Variants in CERS6 observed in about 807,000 individuals in gnomAD.
The protein encoded by CERS6 is ceramide synthase 6.
CERS6 carries 26 observed loss-of-function variants against 56.8 expected under a neutral mutation model. That is an observed-to-expected ratio of 0.46 (90% CI 0.34 to 0.63). The LOEUF (loss-of-function observed/expected upper bound fraction) is 0.63. CERS6 is among the 30% of genes least tolerant of loss of function. The pLI is 0.01. For synonymous variants in CERS6, 164 were observed against 173.3 expected, an observed-to-expected ratio of 0.95 and a Z score of 0.42; for missense variants, 415 against 467.5, an observed-to-expected ratio of 0.89 and a Z score of 1.04.
At chr2:168,720,446 T>C (rs1331370414) in intron 8 of CERS6, among the ~76,000 whole-genome samples, 1 of 152,168 alleles carries the variant, frequency 6.6e-6, no homozygotes, top group Admixed American at 6.5e-5. Context: ...AGTAACCAGA[T>C]TCGACACATT....
intron 3 of CERS6, among the ~76,000 whole-genome samples, chr2:168,573,705 C>G (rs1683175010): frequency 6.6e-6 from 1 of 152,010 alleles, no homozygotes; most frequent in Non-Finnish European, 1.5e-5. Context: ...TCATGCAGAT[C>G]TGTCATGGAA....
chr2:168,746,166 C>T (rs76884671), intron 8 of CERS6, among the ~76,000 whole-genome samples: 11,774 of 152,186 alleles, frequency 0.077, 566 homozygotes, highest in Non-Finnish European at 0.11. Context: ...AGAGCTGCCC[C>T]CTCTTGCATG....
At chr2:168,481,257 T>C (rs1255582332) in intron 1 of CERS6, among the ~76,000 whole-genome samples, 1 of 152,054 alleles carries the variant, frequency 6.6e-6, no homozygotes, top group African/African-American at 2.4e-5. Flanking sequence ...CAACTAAAAA[T>C]ACAAAAAATT....
At chr2:168,741,597 G>T (rs1574210086) in intron 8 of CERS6, among the ~76,000 whole-genome samples, 1 of 152,292 alleles carries the variant, frequency 6.6e-6, no homozygotes. Flanking sequence ...CAGCCCGTGG[G>T]CCACAGGTTG....
At chr2:168,561,402 C>T (rs1040321978) in intron 3 of CERS6, 80 bp downstream of exon 3, 2 of 1,467,852 alleles carry the variant, frequency 1.4e-6, no homozygotes, top group African/African-American at 2.8e-5. Flanking sequence ...AAGATCTGTG[C>T]AGGCTTCAGC....
chr2:168,712,378 A>G (rs902481134), intron 6 of CERS6, among the ~76,000 whole-genome samples: 1 of 152,228 alleles, frequency 6.6e-6, no homozygotes, highest in African/African-American at 2.4e-5. Context: ...TTATGAAGAC[A>G]TCTGTAAGAA....
At chr2:168,504,319 C>G (rs1293592444) in intron 1 of CERS6, among the ~76,000 whole-genome samples, 2 of 151,604 alleles carry the variant, frequency 1.3e-5, no homozygotes, top group African/African-American at 4.9e-5. Flanking sequence ...TGCAGTGAGC[C>G]AAGATTGCAC....
intron 1 of CERS6, among the ~76,000 whole-genome samples, chr2:168,459,568 T>C (rs1469666858): frequency 6.6e-6 from 1 of 152,134 alleles, no homozygotes; most frequent in Non-Finnish European, 1.5e-5. Context: ...TATACCATAC[T>C]TAACTCCGGG....
intron 1 of CERS6, among the ~76,000 whole-genome samples, chr2:168,464,313 C>T (rs1294417772): frequency 6.6e-6 from 1 of 151,588 alleles, no homozygotes; most frequent in East Asian, 1.9e-4. Flanking sequence ...TGCCTCAGCC[C>T]CCCAAGTAGC....
intron 3 of CERS6, among the ~76,000 whole-genome samples, chr2:168,628,847 T>C (rs1328536502): frequency 1.3e-5 from 2 of 150,474 alleles, no homozygotes; most frequent in Non-Finnish European, 2.9e-5. Context: ...TCTTCCCTGA[T>C]TCTAGCAGTA....
intron 3 of CERS6, among the ~76,000 whole-genome samples, chr2:168,626,023 T>C (rs1684582649): frequency 6.6e-6 from 1 of 152,178 alleles, no homozygotes; most frequent in South Asian, 2.1e-4. Context: ...CATAGCTTAA[T>C]GGTTAAGAGT....
intron 6 of CERS6, among the ~76,000 whole-genome samples, chr2:168,700,211 G>A (rs372173195): frequency 4.6e-5 from 7 of 152,176 alleles, no homozygotes; most frequent in Admixed American, 1.3e-4. Context: ...GACTTTTTGC[G>A]GAGAATAACT....
intron 3 of CERS6, among the ~76,000 whole-genome samples, chr2:168,629,318 C>T (rs972429111): frequency 1.4e-4 from 21 of 152,068 alleles, no homozygotes; most frequent in Non-Finnish European, 1.0e-4. Flanking sequence ...AACCTAATCT[C>T]GGAGTTGCAA....
At chr2:168,651,783 G>A (rs1685348354) in intron 4 of CERS6, among the ~76,000 whole-genome samples, 1 of 152,110 alleles carries the variant, frequency 6.6e-6, no homozygotes, top group Non-Finnish European at 1.5e-5. Flanking sequence ...TTTGGGTGGG[G>A]ACACAGAGCC....
At position 168,765,666 on chromosome 2, in the gene CERS6, T is replaced by TGA. The variant is rs758068167; in HGVS notation, c.921_922insAG (p.Leu308SerfsTer4). On this transcript the variant is annotated frameshift_variant, in exon 9 of 10. Coordinates refer to ENST00000305747, the MANE Select transcript of CERS6 (RefSeq NM_203463.3). LOFTEE classifies it high-confidence loss of function. Reference sequence around the variant, plus strand: ...CCTTCCTGGTGGGTTTTTAACCTACTGCTATTGCTAGTACAAGGGTTGAAC... The same window carrying TGA: ...CCTTCCTGGTGGGTTTTTAACCTACTGAGCTATTGCTAGTACAAGGGTTGAAC... 6.2e-7 allele frequency: 1 copy of TGA among 1,614,152 alleles called. No homozygotes were observed. The highest frequency in any genetic ancestry group is 8.5e-7 in the Non-Finnish European group (1 of 1,179,976).
At chr2:168,493,198 G>GA (rs1262920379) in intron 1 of CERS6, among the ~76,000 whole-genome samples, 2 of 151,908 alleles carry the variant, frequency 1.3e-5, no homozygotes, top group Admixed American at 6.6e-5. Flanking sequence ...CTTTTAAAAT[G>GA]AAAAAAAATT....
At chr2:168,614,701 T>A (rs150112587) in intron 3 of CERS6, among the ~76,000 whole-genome samples, 8 of 152,062 alleles carry the variant, frequency 5.3e-5, no homozygotes, top group Non-Finnish European at 1.0e-4. Flanking sequence ...CCATCCCCCA[T>A]AGCAGCTGCA....
In CERS6 at chr2:168,743,118, A is replaced by T. The variant is rs1233805843; in HGVS notation, c.846-22474A>T. Among the ~76,000 whole-genome samples, 4 of 151,978 alleles carry T rather than the reference A, an allele frequency of 2.6e-5. 1 individual carries two copies. In the East Asian group the frequency reaches 7.7e-4, roughly 29 times the overall value. ...CCCTAACACTCCCAGTTAAAGAGTGATTAAGATGGAAGGATTATTGTCTAT... is the reference window on the plus strand; with the variant it reads ...CCCTAACACTCCCAGTTAAAGAGTGTTTAAGATGGAAGGATTATTGTCTAT... On this transcript the variant is annotated intron_variant, in intron 8 of 9. Transcript: ENST00000305747.
At position 168,738,069 on chromosome 2, in the gene CERS6, T is replaced by G. The variant is rs545843619; in HGVS notation, c.845+20091T>G. 1.4e-4 allele frequency among the ~76,000 whole-genome samples: 22 copies of G among 152,364 alleles called. 1 individual carries two copies. The South Asian group carries it at 3.7e-3, about 26-fold the overall frequency. On this transcript the variant is annotated intron_variant, in intron 8 of 9. Transcript: ENST00000305747. Reference sequence around the variant, plus strand: ...GTGTATTGAATAGGTCAATTGTTATTCTATTTTCTATTTGTGGGTATATTT... The same window carrying G: ...GTGTATTGAATAGGTCAATTGTTATGCTATTTTCTATTTGTGGGTATATTT...
Sources: gnomAD v4.1 joint callset for allele counts (sites outside exome capture counted in the v4.1 genomes callset) on GRCh38, gnomAD v4.1.1 for gene constraint, MANE v1.5 for transcripts, NCBI Gene and HGNC (gene_info 2026-07-23, HGNC 2026-07-21) for gene names.